CERT1: variants seen among roughly 807,000 people sequenced by gnomAD.
CERT1 encodes ceramide transporter 1.
A neutral mutation model predicts 87.9 loss-of-function variants in CERT1; 31 were observed. That is an observed-to-expected ratio of 0.35 (90% confidence interval 0.27 to 0.48). The LOEUF (loss-of-function observed/expected upper bound fraction) is 0.48. CERT1 is among the 20% of genes least tolerant of loss of function. The probability of loss-of-function intolerance (pLI) is 0.99; values close to 1 mark genes in which losing one functional copy is unlikely to be tolerated. For missense variants in CERT1, 487 were observed against 758.0 expected (o/e 0.64, Z 4.20); for synonymous variants, 289 against 250.9 (o/e 1.15, Z -1.44).
chr5:75,374,137 T>C (rs927167700), downstream of CERT1: 3 of 376,690 alleles, frequency 8.0e-6, no homozygotes, highest in South Asian at 1.3e-4. Context: ...AGCATTCAGC[T>C]TTTTTTTTTC....
intron 3 of CERT1, among the ~76,000 whole-genome samples, chr5:75,445,998 A>G (rs1764519561): frequency 6.6e-6 from 1 of 152,022 alleles, no homozygotes; most frequent in South Asian, 2.1e-4. Flanking sequence ...AATCTCATTG[A>G]TTTTATCTTA....
At chr5:75,404,309 A>C (rs980810288) in intron 8 of CERT1, among the ~76,000 whole-genome samples, 26 of 151,902 alleles carry the variant, frequency 1.7e-4, no homozygotes, top group Non-Finnish European at 2.4e-4. Flanking sequence ...AAAAAAAAAA[A>C]AAAAACAACT....
intron 3 of CERT1, among the ~76,000 whole-genome samples, chr5:75,426,955 T>C (rs1763642804): frequency 6.6e-6 from 1 of 152,248 alleles, no homozygotes; most frequent in African/African-American, 2.4e-5. Context: ...TCACCCATTC[T>C]TAACACATCA....
At chr5:75,455,479 G>C (rs186561715) in intron 3 of CERT1, among the ~76,000 whole-genome samples, 1 of 152,152 alleles carries the variant, frequency 6.6e-6, no homozygotes, top group African/African-American at 2.4e-5. Flanking sequence ...ATGTGTTTGA[G>C]CCTAGTTAAA....
At position 75,496,998 on chromosome 5, in the gene CERT1, G is replaced by A. The variant is rs150725052; in HGVS notation, c.231+8984C>T. The stretch of plus-strand genomic sequence containing the variant: ...TATCTTTTTTTTAAAAAAAGACATA[G>A]AATAAGGAAAACCAAAAAAAGGTAG... On this transcript the variant is annotated intron_variant, in intron 2 of 16. Coordinates refer to ENST00000643780, the MANE Select transcript of CERT1 (RefSeq NM_001379029.1). Among the ~76,000 whole-genome samples, 216 of 151,474 alleles carry A rather than the reference G, an allele frequency of 1.4e-3. 1 individual carries two copies. The highest frequency in any genetic ancestry group is 4.3e-3 in the African/African-American group (179 of 41,292).
At position 75,475,571 on chromosome 5, in the gene CERT1, G is replaced by A. The variant is rs138921113; in HGVS notation, c.232-16390C>T. On this transcript the variant is annotated intron_variant, in intron 2 of 16. Transcript: ENST00000643780. Reference sequence around the variant, plus strand: ...CTCCTGAGGCATTTTCGCAAAACACGGTGAATACCACGATTAACATATCCT... The same window carrying A: ...CTCCTGAGGCATTTTCGCAAAACACAGTGAATACCACGATTAACATATCCT... Among the ~76,000 whole-genome samples, 39 of 152,116 alleles carry A rather than the reference G, an allele frequency of 2.6e-4. 1 individual carries two copies. In the East Asian group the frequency reaches 6.6e-3, roughly 26 times the overall value.
intron 2 of CERT1, among the ~76,000 whole-genome samples, chr5:75,499,960 A>G (rs1430268938): frequency 6.6e-6 from 1 of 152,338 alleles, no homozygotes. Flanking sequence ...TGTGGATTTA[A>G]TTAGTTAGAA....
chr5:75,456,207 C>T (rs2112299071), intron 3 of CERT1, among the ~76,000 whole-genome samples: 1 of 152,192 alleles, frequency 6.6e-6, no homozygotes, highest in South Asian at 2.1e-4. Context: ...TGTTAAATAA[C>T]TCAACAATTT....
At chr5:75,450,694 A>T (rs1313799813) in intron 3 of CERT1, among the ~76,000 whole-genome samples, 1 of 152,170 alleles carries the variant, frequency 6.6e-6, no homozygotes, top group Non-Finnish European at 1.5e-5. Context: ...CCCTTATCTT[A>T]ACCCAGCCAC....
At chr5:75,485,359 A>C (rs1021675697) in intron 2 of CERT1, among the ~76,000 whole-genome samples, 3 of 150,278 alleles carry the variant, frequency 2.0e-5, no homozygotes, top group Non-Finnish European at 4.4e-5. Context: ...AAGGAAAGAG[A>C]GCCTATGGTA....
intron 2 of CERT1, among the ~76,000 whole-genome samples, chr5:75,485,926 A>G (rs1347466055): frequency 3.3e-5 from 5 of 152,116 alleles, no homozygotes; most frequent in Non-Finnish European, 5.9e-5. Flanking sequence ...GTTACTGAAC[A>G]CCGAAGGAAG....
At chr5:75,457,960 TGTGTG>T (rs1765067067) in intron 3 of CERT1, among the ~76,000 whole-genome samples, 1 of 3,910 alleles carries the variant, frequency 2.6e-4, no homozygotes, top group African/African-American at 1.6e-3. Flanking sequence ...CTGTTAAAAA[TGTGTG>T]TGTGTGTGTG....
chr5:75,407,668 C>G (rs1198383275), intron 8 of CERT1, among the ~76,000 whole-genome samples: 3 of 152,088 alleles, frequency 2.0e-5, no homozygotes, highest in Admixed American at 6.6e-5. Context: ...AGCTGGAGGC[C>G]ATTATCCAAA....
chr5:75,431,266 A>C (rs376399241), intron 3 of CERT1, among the ~76,000 whole-genome samples: 1 of 152,014 alleles, frequency 6.6e-6, no homozygotes, highest in Non-Finnish European at 1.5e-5. Flanking sequence ...CTTTGTGTCC[A>C]TATGTACTGA....
chr5:75,498,030 C>A (rs982744623), intron 2 of CERT1, among the ~76,000 whole-genome samples: 3 of 152,142 alleles, frequency 2.0e-5, no homozygotes, highest in African/African-American at 7.2e-5. Context: ...GATGGAGATG[C>A]AGAACTTGTT....
rs977908393 is a variant in CERT1, at chr5:75,485,479, G to A, written c.231+20503C>T. Among the ~76,000 whole-genome samples the A allele has an allele frequency of 5.9e-5, 9 of 151,676 alleles. No homozygotes were observed. In the East Asian group the frequency reaches 1.2e-3, roughly 20 times the overall value. ...AATGATGCATCTTAAAGAAAGAAAA[G>A]AGCAAACCAAACCCCAAATTAGCAG... is the stretch of plus-strand genomic sequence containing the variant. On this transcript the variant is annotated intron_variant, in intron 2 of 16. Transcript: ENST00000643780.
intron 11 of CERT1, among the ~76,000 whole-genome samples, chr5:75,396,418 G>GTA (rs1762255692): frequency 6.6e-6 from 1 of 152,148 alleles, no homozygotes; most frequent in South Asian, 2.1e-4. Context: ...AGTAACTGAT[G>GTA]TATATTTGTG....
At chr5:75,377,531 A>AAC (rs1366322332), downstream of CERT1, 3 of 152,266 alleles carry the variant, frequency 2.0e-5, no homozygotes, top group African/African-American at 7.2e-5. Flanking sequence ...GATACTGTAT[A>AAC]ACCATCAAAA....
Position 75,403,064 on chromosome 5 carries a change from C to A in CERT1, c.931-6G>T. The A allele has an allele frequency of 6.3e-7, 1 of 1,597,944 alleles. No individual in the cohort carries two copies. The highest frequency in any genetic ancestry group is 1.1e-5 in the South Asian group (1 of 90,462). Reference sequence around the variant, plus strand: ...ATCAGACTGTTAGGGCCTTCCTATTCCAACACACAGTGGAGAAAAAAGCAG... The same window carrying A: ...ATCAGACTGTTAGGGCCTTCCTATTACAACACACAGTGGAGAAAAAAGCAG... On this transcript the variant is annotated splice_polypyrimidine_tract_variant and splice_region_variant and intron_variant, in intron 8 of 16. Transcript: ENST00000643780.
Sources: gnomAD v4.1 joint callset for allele counts (sites outside exome capture counted in the v4.1 genomes callset) on GRCh38, gnomAD v4.1.1 for gene constraint, MANE v1.5 for transcripts, NCBI Gene and HGNC (gene_info 2026-07-23, HGNC 2026-07-21) for gene names.